MDGA2: variants seen among roughly 807,000 people sequenced by gnomAD.
The protein encoded by MDGA2 is MAM domain containing glycosylphosphatidylinositol anchor 2.
A neutral mutation model predicts 117.8 loss-of-function variants in MDGA2; 40 were observed. The ratio of observed to expected loss-of-function variants is 0.34; its 90% CI spans 0.26 to 0.44. MDGA2 has a LOEUF of 0.44. Ranked by LOEUF, MDGA2 falls within the 20% of genes least tolerant of loss-of-function variation. MDGA2 has a pLI of 1.00. For synonymous variants in MDGA2, 452 were observed against 439.0 expected (o/e 1.03, Z -0.37); for missense variants, 1,123 against 1,250.6 (o/e 0.90, Z 1.54).
chr14:47,487,454 T>C (rs1894084161), intron 1 of MDGA2, among the ~76,000 whole-genome samples: 3 of 152,196 alleles, frequency 2.0e-5, no homozygotes, highest in African/African-American at 7.2e-5. Flanking sequence ...AACAGAGTTG[T>C]ATGAGTTGAA....
At chr14:46,924,043 T>C (rs1884232230) in intron 9 of MDGA2, among the ~76,000 whole-genome samples, 2 of 152,082 alleles carry the variant, frequency 1.3e-5, no homozygotes. Context: ...GTTTTATTCT[T>C]ATACAATGTT....
At chr14:47,667,867 C>T (rs1898004845) in intron 1 of MDGA2, among the ~76,000 whole-genome samples, 2 of 152,142 alleles carry the variant, frequency 1.3e-5, no homozygotes, top group South Asian at 2.1e-4. Flanking sequence ...ATACACATGA[C>T]CCCAAATTTC....
At chr14:46,937,288 T>A (rs1595056078) in intron 9 of MDGA2, among the ~76,000 whole-genome samples, 1 of 52,836 alleles carries the variant, frequency 1.9e-5, no homozygotes, top group South Asian at 5.7e-4. Context: ...AACTATAAAA[T>A]ACTGGTTAAA....
At chr14:47,569,247 A>G (rs762607018) in intron 1 of MDGA2, among the ~76,000 whole-genome samples, 5 of 152,202 alleles carry the variant, frequency 3.3e-5, no homozygotes, top group Admixed American at 6.5e-5. Flanking sequence ...ATGAAATAAT[A>G]TGTGTTTTTA....
At chr14:46,845,436 T>C (rs1257764649) in intron 16 of MDGA2, among the ~76,000 whole-genome samples, 2 of 152,166 alleles carry the variant, frequency 1.3e-5, no homozygotes, top group African/African-American at 4.8e-5. Context: ...TGTATATAGG[T>C]TCATCAAATA....
chr14:47,231,764 A>C (rs1886699990), intron 2 of MDGA2, among the ~76,000 whole-genome samples: 1 of 151,924 alleles, frequency 6.6e-6, no homozygotes, highest in African/African-American at 2.4e-5. Context: ...AAAAAAAAAA[A>C]AGGGAGAAGA....
chr14:46,949,337 G>T (rs768793762), intron 9 of MDGA2, among the ~76,000 whole-genome samples: 1 of 151,936 alleles, frequency 6.6e-6, no homozygotes, highest in African/African-American at 2.4e-5. Flanking sequence ...GCTGTAATTT[G>T]ATACTGTGAT....
chr14:47,627,659 C>T (rs1897171836), intron 1 of MDGA2, among the ~76,000 whole-genome samples: 1 of 152,164 alleles, frequency 6.6e-6, no homozygotes, highest in Non-Finnish European at 1.5e-5. Context: ...ATGGACCAAT[C>T]AGCAGGATGT....
intron 3 of MDGA2, among the ~76,000 whole-genome samples, chr14:47,215,955 T>C (rs1411971138): frequency 6.6e-6 from 1 of 152,038 alleles, no homozygotes; most frequent in Non-Finnish European, 1.5e-5. Context: ...GGTAACAAAA[T>C]AAATGTCTTC....
At chr14:47,063,148 G>T (rs1160049482) in intron 6 of MDGA2, among the ~76,000 whole-genome samples, 1 of 151,976 alleles carries the variant, frequency 6.6e-6, no homozygotes, top group Non-Finnish European at 1.5e-5. Context: ...ATATAGCGAT[G>T]AAATATTTTA....
At chr14:47,325,591 G>C (rs1166985025) in intron 1 of MDGA2, among the ~76,000 whole-genome samples, 1 of 152,134 alleles carries the variant, frequency 6.6e-6, no homozygotes, top group Non-Finnish European at 1.5e-5. Flanking sequence ...GGGATTGATA[G>C]AACACAACTA....
intron 1 of MDGA2, among the ~76,000 whole-genome samples, chr14:47,586,287 C>A (rs149494939): frequency 6.6e-6 from 1 of 151,966 alleles, no homozygotes; most frequent in Admixed American, 6.6e-5. Flanking sequence ...CTCTACCTGA[C>A]CACCTATGTT....
chr14:47,054,450 C>G (rs1235910661), intron 7 of MDGA2, among the ~76,000 whole-genome samples: 2 of 150,352 alleles, frequency 1.3e-5, no homozygotes, highest in Non-Finnish European at 3.0e-5. Flanking sequence ...TTAGGTATAT[C>G]TCCTAATGCT....
chr14:47,495,580 C>T (rs1894265203), intron 1 of MDGA2, among the ~76,000 whole-genome samples: 1 of 152,164 alleles, frequency 6.6e-6, no homozygotes, highest in East Asian at 1.9e-4. Flanking sequence ...TATTTGCCAT[C>T]TTCATGGTTT....
chr14:47,028,954 A>G (rs1196698259), intron 8 of MDGA2, among the ~76,000 whole-genome samples: 1 of 152,036 alleles, frequency 6.6e-6, no homozygotes, highest in East Asian at 1.9e-4. Flanking sequence ...CTTGTCTTTG[A>G]TATCAGTTTT....
chr14:47,149,397 C>T (rs891069052), intron 3 of MDGA2, among the ~76,000 whole-genome samples: 18 of 152,194 alleles, frequency 1.2e-4, no homozygotes, highest in Non-Finnish European at 2.2e-4. Context: ...CCCGCTGTTA[C>T]GAGAGAGGCC....
At chr14:47,568,675 T>C (rs1340312109) in intron 1 of MDGA2, among the ~76,000 whole-genome samples, 1 of 152,200 alleles carries the variant, frequency 6.6e-6, no homozygotes, top group East Asian at 1.9e-4. Flanking sequence ...TATTTGTAGA[T>C]TGGTAAAATT....
chr14:47,263,537 T>A (rs1175464939), intron 2 of MDGA2, among the ~76,000 whole-genome samples: 1 of 152,160 alleles, frequency 6.6e-6, no homozygotes, highest in African/African-American at 2.4e-5. Context: ...AAAACTGTTA[T>A]AGGGTAGTAC....
At chr14:47,246,519 G>A (rs560254361) in intron 2 of MDGA2, among the ~76,000 whole-genome samples, 2 of 151,764 alleles carry the variant, frequency 1.3e-5, no homozygotes, top group East Asian at 3.9e-4. Context: ...ATTGTTAGAA[G>A]AGACTACTGA....
Sources: allele counts gnomAD v4.1 joint callset (sites outside exome capture counted in the v4.1 genomes callset), GRCh38; gene constraint gnomAD v4.1.1; transcripts MANE v1.5; gene names NCBI Gene and HGNC (gene_info 2026-07-23, HGNC 2026-07-21).